The following KCNK12 variants were observed in gnomAD, a reference collection of about 807,000 sequenced individuals.
KCNK12 encodes the protein potassium channel subfamily K member 12.
A neutral mutation model predicts 25.3 loss-of-function variants in KCNK12; 6 were observed. The observed-to-expected ratio is 0.24, with a 90% CI of 0.13 to 0.47. The LOEUF (loss-of-function observed/expected upper bound fraction) is 0.47, where lower values mean the gene tolerates loss of function less well. Ranked by LOEUF, KCNK12 falls within the 20% of genes least tolerant of loss-of-function variation. KCNK12 has a pLI of 0.99. For synonymous variants in KCNK12, 331 were observed against 311.1 expected (o/e 1.06, Z -0.67); for missense variants, 444 against 661.7 (o/e 0.67, Z 3.61).
At chr2:47,526,799 C>T (rs1668790298) in intron 1 of KCNK12, among the ~76,000 whole-genome samples, 1 of 152,142 alleles carries the variant, frequency 6.6e-6, no homozygotes, top group African/African-American at 2.4e-5. Context: ...TAGCATTTAC[C>T]CAAGATGTTA....
At position 47,538,592 on chromosome 2, in the gene KCNK12, G is replaced by A. The variant is rs1669127517; in HGVS notation, c.392-16784C>T. 1.3e-5 allele frequency among the ~76,000 whole-genome samples: 2 copies of A among 152,164 alleles called. No homozygotes were observed. The highest frequency in any genetic ancestry group is 4.8e-5 in the African/African-American group (2 of 41,420). Reference sequence around the variant, plus strand: ...TTGAGACCAGCCTGGCCAACATGGTGAAACCCCGTCTCTACTAAAAATACA... The same window carrying A: ...TTGAGACCAGCCTGGCCAACATGGTAAAACCCCGTCTCTACTAAAAATACA... On this transcript the variant is annotated intron_variant, in intron 1 of 1. Coordinates refer to ENST00000327876, the MANE Select transcript of KCNK12 (RefSeq NM_022055.2). This position sits in a 1 kb window ranked among gnomAD's most constrained non-coding sequence, Gnocchi z 4.5.
chr2:47,522,679 T>C (rs2104728893), intron 1 of KCNK12, among the ~76,000 whole-genome samples: 1 of 152,342 alleles, frequency 6.6e-6, no homozygotes, highest in East Asian at 1.9e-4. Context: ...GAAAGGACCA[T>C]ATTTTCTTAG....
rs1168234552 is a variant in KCNK12 at position 47,518,313 on chromosome 2, G to A, written c.*2594C>T. 2.0e-5 allele frequency: 3 copies of A among 152,276 alleles called. No individual in the cohort carries two copies. Among genetic ancestry groups the A allele is most frequent in the Non-Finnish European group, 4.4e-5 (3 of 68,096 alleles). The allele number at this position is 152,276 out of a possible 1,614,324, so 9.4% of individuals were successfully genotyped here. A position where few individuals can be genotyped will look rare whatever the true frequency, so the allele number is the denominator to read the frequency against. On this transcript the variant is annotated 3_prime_UTR_variant, in exon 2 of 2. Transcript: ENST00000327876. The surrounding 1 kb of genome is among the most constrained non-coding windows in gnomAD (Gnocchi z 4.1). ...GGATCCTGAGCTGCCATTGTACCTT[G>A]GAGGACTGGCGTTTCTCTGGGAAGT...
chr2:47,559,006 T>A (rs943321977), intron 1 of KCNK12, among the ~76,000 whole-genome samples: 1 of 152,196 alleles, frequency 6.6e-6, no homozygotes, highest in Admixed American at 6.5e-5. Flanking sequence ...GGCTAAGAGA[T>A]GTGGCCAAGG....
rs549548252 is a variant in KCNK12, at chr2:47,515,110, C to T, written c.*5797G>A. Reference sequence around the variant, plus strand: ...TGCAGGTAAAACAGCCACCTGTGCCCATCACATAGCTGGGGCACAGCTGGA... The same window carrying T: ...TGCAGGTAAAACAGCCACCTGTGCCTATCACATAGCTGGGGCACAGCTGGA... On this transcript the variant is annotated 3_prime_UTR_variant, in exon 2 of 2. Transcript: ENST00000327876. 1.1e-4 allele frequency among the ~76,000 whole-genome samples: 17 copies of T among 152,258 alleles called. No individual in the cohort carries two copies. Among genetic ancestry groups the T allele is most frequent in the African/African-American group, 4.1e-4 (17 of 41,544 alleles).
At position 47,533,316 on chromosome 2, in the gene KCNK12, C is replaced by T. The variant is rs1417727044; in HGVS notation, c.392-11508G>A. Among the ~76,000 whole-genome samples the T allele has an allele frequency of 6.6e-6, 1 of 152,164 alleles. No individual in the cohort carries two copies. The highest frequency in any genetic ancestry group is 2.4e-5 in the African/African-American group (1 of 41,432). On this transcript the variant is annotated intron_variant, in intron 1 of 1. Coordinates refer to ENST00000327876, the MANE Select transcript of KCNK12 (RefSeq NM_022055.2). This position sits in a 1 kb window ranked among gnomAD's most constrained non-coding sequence, Gnocchi z 4.7. ...GTGCGCCACTGTGCCCGGCCCACTG[C>T]CCTACCTCTGAATGTCACTGTGAAG...
At chr2:47,545,620 A>G (rs1366653198) in intron 1 of KCNK12, among the ~76,000 whole-genome samples, 1 of 152,234 alleles carries the variant, frequency 6.6e-6, no homozygotes, top group Non-Finnish European at 1.5e-5. Flanking sequence ...CAGCTCTGTC[A>G]CTTGCTGGCT....
At position 47,516,118 on chromosome 2, in the gene KCNK12, C is replaced by G. The variant is rs931166227; in HGVS notation, c.*4789G>C. Among the ~76,000 whole-genome samples the G allele has an allele frequency of 6.6e-6, 1 of 152,168 alleles. No individual in the cohort carries two copies. The highest frequency in any genetic ancestry group is 6.5e-5 in the Admixed American group (1 of 15,284). ...GACTGCCAGATCCAAAACTAGAATT[C>G]AGACCTCCTAGTTTCTAAGTGGACG... On this transcript the variant is annotated 3_prime_UTR_variant, in exon 2 of 2. Transcript: ENST00000327876.
intron 1 of KCNK12, among the ~76,000 whole-genome samples, chr2:47,544,502 A>G (rs1669271226): frequency 6.6e-6 from 1 of 152,282 alleles, no homozygotes; most frequent in African/African-American, 2.4e-5. Context: ...CTACTGAAAC[A>G]CATTGGTCGT....
rs1043320185 is a variant in KCNK12, at chr2:47,548,613, C to T, written c.391+21328G>A. Among the ~76,000 whole-genome samples the T allele has an allele frequency of 2.8e-4, 43 of 152,342 alleles. No homozygotes were observed. Among genetic ancestry groups the T allele is most frequent in the African/African-American group, 7.9e-4 (33 of 41,582 alleles). On this transcript the variant is annotated intron_variant, in intron 1 of 1. Transcript: ENST00000327876. This position sits in a 1 kb window ranked among gnomAD's most constrained non-coding sequence, Gnocchi z 4.4. ...TATCCAGATTCTACACACTGACTTT[C>T]GCTTCAGGCCACGAGGGCGTAGCTG...
intron 1 of KCNK12, among the ~76,000 whole-genome samples, chr2:47,544,128 A>G: frequency 6.6e-6 from 1 of 152,216 alleles, no homozygotes; most frequent in East Asian, 1.9e-4. Context: ...ATTAAAAACA[A>G]AGACAGCCTT....
rs1341653894 is a variant in KCNK12, at chr2:47,518,398, C to G, written c.*2509G>C. The stretch of plus-strand genomic sequence containing the variant: ...GCCCCTTGAAACCATGCTTACCATT[C>G]CTTTAGAAGATTGCTCAAGCTGCCT... On this transcript the variant is annotated 3_prime_UTR_variant, in exon 2 of 2. Coordinates refer to ENST00000327876, the MANE Select transcript of KCNK12 (RefSeq NM_022055.2). This position sits in a 1 kb window ranked among gnomAD's most constrained non-coding sequence, Gnocchi z 4.1. 2 of 152,184 alleles carry G rather than the reference C, an allele frequency of 1.3e-5. No individual in the cohort carries two copies. Among genetic ancestry groups the G allele is most frequent in the African/African-American group, 4.8e-5 (2 of 41,448 alleles). 9.4% of individuals were successfully genotyped at this position (152,184 alleles called of 1,614,324 possible). A position where few individuals can be genotyped will look rare whatever the true frequency, so the allele number is the denominator to read the frequency against.
intron 1 of KCNK12, among the ~76,000 whole-genome samples, chr2:47,568,211 C>T (rs531991585): frequency 3.3e-5 from 5 of 151,824 alleles, no homozygotes; most frequent in South Asian, 2.1e-4. Flanking sequence ...AGGGAAAGGG[C>T]GTGTTTACAA....
chr2:47,569,079 G>A lies in KCNK12; in HGVS notation c.391+862C>T, dbSNP rs1299646487. ...ACAGGAGCTCAGAGGCAGCAATCTG[G>A]CCACAGAGGGAGGGGTGGGGGCCTG... On this transcript the variant is annotated intron_variant, in intron 1 of 1. Coordinates refer to ENST00000327876, the MANE Select transcript of KCNK12 (RefSeq NM_022055.2). This position sits in a 1 kb window ranked among gnomAD's most constrained non-coding sequence, Gnocchi z 4.1. Among the ~76,000 whole-genome samples the A allele has an allele frequency of 6.6e-6, 1 of 152,014 alleles. No individual in the cohort carries two copies. The highest frequency in any genetic ancestry group is 1.9e-4 in the East Asian group (1 of 5,200).
At chr2:47,532,258 T>C (rs1668949958) in intron 1 of KCNK12, among the ~76,000 whole-genome samples, 1 of 151,844 alleles carries the variant, frequency 6.6e-6, no homozygotes, top group South Asian at 2.1e-4. Flanking sequence ...AGCACTGCAG[T>C]AGAGAGGCTC....
chr2:47,566,115 T>C lies in KCNK12; in HGVS notation c.391+3826A>G, dbSNP rs890400385. On this transcript the variant is annotated intron_variant, in intron 1 of 1. Coordinates refer to ENST00000327876, the MANE Select transcript of KCNK12 (RefSeq NM_022055.2). The surrounding 1 kb of genome is among the most constrained non-coding windows in gnomAD (Gnocchi z 4.1). Reference sequence around the variant, plus strand: ...TTTTATTTCGCTTGAGCTATTCAGATTGACTTTCTACACAGCCTGAACGGC... The same window carrying C: ...TTTTATTTCGCTTGAGCTATTCAGACTGACTTTCTACACAGCCTGAACGGC... 6 of 152,232 alleles carry C rather than the reference T, an allele frequency of 3.9e-5. No individual in the cohort carries two copies. Among genetic ancestry groups the C allele is most frequent in the Admixed American group, 2.0e-4 (3 of 15,286 alleles). The allele number at this position is 152,232 out of a possible 1,614,324, so 9.4% of individuals were successfully genotyped here. A position where few individuals can be genotyped will look rare whatever the true frequency, so the allele number is the denominator to read the frequency against.
At chr2:47,549,430 C>T (rs1044250266) in intron 1 of KCNK12, among the ~76,000 whole-genome samples, 3 of 152,024 alleles carry the variant, frequency 2.0e-5, no homozygotes, top group African/African-American at 7.2e-5. Context: ...AATAAAAAAT[C>T]AGATATGCAA....
intron 1 of KCNK12, among the ~76,000 whole-genome samples, chr2:47,561,463 A>T (rs938910098): frequency 6.6e-6 from 1 of 152,234 alleles, no homozygotes; most frequent in African/African-American, 2.4e-5. Flanking sequence ...GGCAGTGACC[A>T]ACCAGAGTGC....
chr2:47,548,374 T>G lies in KCNK12; in HGVS notation c.391+21567A>C, dbSNP rs1394613807. Among the ~76,000 whole-genome samples, 1 of 152,122 alleles carries G rather than the reference T, an allele frequency of 6.6e-6. No individual in the cohort carries two copies. The highest frequency in any genetic ancestry group is 1.5e-5 in the Non-Finnish European group (1 of 68,012). ...CCCGGCTTGGAAGTGGAAAAGTCAT[T>G]TCAGAATTAACATTTCCAAAACCAA... On this transcript the variant is annotated intron_variant, in intron 1 of 1. Coordinates refer to ENST00000327876, the MANE Select transcript of KCNK12 (RefSeq NM_022055.2). The surrounding 1 kb of genome is among the most constrained non-coding windows in gnomAD (Gnocchi z 4.4).
Sources: gnomAD v4.1 joint callset for allele counts (sites outside exome capture counted in the v4.1 genomes callset) on GRCh38, gnomAD v4.1.1 for gene constraint, Gnocchi (gnomAD v3.1) non-coding constraint, MANE v1.5 for transcripts, NCBI Gene and HGNC (gene_info 2026-07-23, HGNC 2026-07-21) for gene names.